Variants in ADAM22 observed in about 807,000 individuals in gnomAD.
The protein encoded by ADAM22 is ADAM metallopeptidase domain 22, also known as disintegrin and metalloproteinase domain-containing protein 22.
A neutral mutation model predicts 144.6 loss-of-function variants in ADAM22; 65 were observed. The observed-to-expected ratio is 0.45, with a 90% CI of 0.37 to 0.55. The LOEUF (loss-of-function observed/expected upper bound fraction) is 0.55. ADAM22 is among the 20% of genes least tolerant of loss of function. The pLI is 0.00. For missense variants in ADAM22, 974 were observed against 1,184.9 expected (o/e 0.82, Z 2.61); for synonymous variants, 391 against 412.6 (o/e 0.95, Z 0.63).
chr7:88,120,244 T>C (rs537141909), intron 7 of ADAM22, among the ~76,000 whole-genome samples: 1 of 152,218 alleles, frequency 6.6e-6, no homozygotes, highest in African/African-American at 2.4e-5. Context: ...TTGTTACATA[T>C]GTATACATGT....
intron 2 of ADAM22, among the ~76,000 whole-genome samples, chr7:87,948,114 C>G (rs149851728): frequency 5.3e-5 from 8 of 152,288 alleles, no homozygotes; most frequent in African/African-American, 1.7e-4. Context: ...TTTCCATTTT[C>G]CTGTGTACAT....
chr7:88,149,131 A>G (rs1837568151), intron 18 of ADAM22, 74 bp downstream of exon 18: 1 of 1,008,994 alleles, frequency 9.9e-7, no homozygotes, highest in East Asian at 2.6e-5. Context: ...ACCCTCAAAG[A>G]GAAATGTAAA....
intron 4 of ADAM22, among the ~76,000 whole-genome samples, chr7:88,093,183 T>A (rs2129485275): frequency 6.6e-6 from 1 of 152,266 alleles, no homozygotes; most frequent in African/African-American, 2.4e-5. Context: ...TTTCCAAATC[T>A]ACTCTTGCAA....
intron 7 of ADAM22, among the ~76,000 whole-genome samples, chr7:88,121,933 A>G (rs986368301): frequency 5.9e-5 from 9 of 152,226 alleles, no homozygotes; most frequent in African/African-American, 2.2e-4. Flanking sequence ...ATTAGAAAGT[A>G]GCTGAGTAAT....
chr7:88,120,944 A>G (rs2129493092), intron 7 of ADAM22, among the ~76,000 whole-genome samples: 1 of 152,094 alleles, frequency 6.6e-6, no homozygotes, highest in African/African-American at 2.4e-5. Context: ...GTGCATGGTG[A>G]AAAGTAGGGG....
intron 26 of ADAM22, among the ~76,000 whole-genome samples, chr7:88,176,170 T>C (rs1296490789): frequency 2.0e-5 from 3 of 152,140 alleles, no homozygotes; most frequent in African/African-American, 7.2e-5. Flanking sequence ...AGATGGGGTT[T>C]CACCATGTTG....
At chr7:87,957,042 C>T (rs998569648) in intron 2 of ADAM22, among the ~76,000 whole-genome samples, 5 of 152,104 alleles carry the variant, frequency 3.3e-5, no homozygotes, top group African/African-American at 1.2e-4. Context: ...TTTCAGAGTC[C>T]TTTCTGTGAT....
intron 14 of ADAM22, among the ~76,000 whole-genome samples, chr7:88,140,641 G>A (rs951869003): frequency 2.0e-5 from 3 of 152,224 alleles, no homozygotes; most frequent in Admixed American, 6.5e-5. Flanking sequence ...CCAGGAGTTC[G>A]AGACCAGCCT....
At chr7:88,029,911 C>T (rs538715303) in intron 3 of ADAM22, among the ~76,000 whole-genome samples, 1 of 151,556 alleles carries the variant, frequency 6.6e-6, no homozygotes, top group African/African-American at 2.4e-5. Context: ...TTTTTCTTGA[C>T]CTTTGGGAGT....
In ADAM22 at chr7:87,979,540, A is replaced by G. The variant is rs1852786941; in HGVS notation, c.323+1128A>G. ...GAATTCTTATGACATTGCCATTTTT[A>G]TAGGTCAAAAAAGTTTGACTACCAT... On this transcript the variant is annotated intron_variant, in intron 3 of 31. Transcript: ENST00000413139. 2.6e-5 allele frequency among the ~76,000 whole-genome samples: 4 copies of G among 152,166 alleles called. No homozygotes were observed. The South Asian group carries it at 8.3e-4, about 32-fold the overall frequency.
Position 88,156,118 on chromosome 7 carries a change from C to G in ADAM22, c.1907+112C>G, listed in dbSNP as rs769463242. 3.3e-6 allele frequency: 4 copies of G among 1,201,318 alleles called. No homozygotes were observed. The East Asian group carries it at 9.5e-5, about 29-fold the overall frequency. 74.4% of individuals were successfully genotyped at this position (1,201,318 alleles called of 1,614,324 possible). A position where few individuals can be genotyped will look rare whatever the true frequency, so the allele number is the denominator to read the frequency against. ...ACATGTTAGTAGGTCGAAATATAAT[C>G]TAGTCTATAGAGACGATTGAGTAAA... On this transcript the variant is annotated intron_variant, in intron 22 of 31. Transcript: ENST00000413139.
chr7:88,029,555 A>G (rs768246009), intron 3 of ADAM22, among the ~76,000 whole-genome samples: 1 of 152,074 alleles, frequency 6.6e-6, no homozygotes, highest in African/African-American at 2.4e-5. Context: ...TGTACTTACT[A>G]TTGTCAATAA....
intron 22 of ADAM22, among the ~76,000 whole-genome samples, chr7:88,157,743 C>A (rs1840383148): frequency 1.3e-5 from 2 of 152,172 alleles, no homozygotes; most frequent in Non-Finnish European, 2.9e-5. Context: ...TCATAAATAA[C>A]AAAAGAATGA....
At chr7:88,083,627 GTGTGTGTA>G (rs1402676130) in intron 4 of ADAM22, among the ~76,000 whole-genome samples, 9 of 149,102 alleles carry the variant, frequency 6.0e-5, no homozygotes, top group East Asian at 2.0e-4. Context: ...GTGTGTGTGT[GTGTGTGTA>G]TGTGTAGTAT....
At chr7:87,948,462 C>T (rs924482982) in intron 2 of ADAM22, among the ~76,000 whole-genome samples, 1 of 152,088 alleles carries the variant, frequency 6.6e-6, no homozygotes, top group Non-Finnish European at 1.5e-5. Flanking sequence ...TTTAATGTCC[C>T]TTCTGCCCTT....
intron 2 of ADAM22, 105 bp from the exon 3 acceptor site, chr7:87,978,231 T>C: frequency 2.3e-6 from 2 of 885,528 alleles, no homozygotes; most frequent in Non-Finnish European, 3.5e-6. Flanking sequence ...TGTTGAATTA[T>C]TTTCTTATGA....
intron 3 of ADAM22, among the ~76,000 whole-genome samples, chr7:87,996,082 A>G (rs1034377953): frequency 6.6e-6 from 1 of 152,174 alleles, no homozygotes; most frequent in Non-Finnish European, 1.5e-5. Context: ...ATTTTGCAGT[A>G]ATAGGGACAC....
chr7:88,160,266 A>C (rs1841209924), intron 22 of ADAM22, among the ~76,000 whole-genome samples: 1 of 152,176 alleles, frequency 6.6e-6, no homozygotes, highest in Non-Finnish European at 1.5e-5. Flanking sequence ...GCCACAAACA[A>C]AAGGAAAAAC....
At chr7:88,008,113 A>T (rs1294549507) in intron 3 of ADAM22, among the ~76,000 whole-genome samples, 2 of 152,166 alleles carry the variant, frequency 1.3e-5, no homozygotes, top group Non-Finnish European at 2.9e-5. Context: ...ACTTCTCAAA[A>T]GAAGACATTT....
Sources: allele counts gnomAD v4.1 joint callset (sites outside exome capture counted in the v4.1 genomes callset), GRCh38; gene constraint gnomAD v4.1.1; transcripts MANE v1.5; gene names NCBI Gene and HGNC (gene_info 2026-07-23, HGNC 2026-07-21).